The following ZNF33B variants were observed in gnomAD, a reference collection of about 807,000 sequenced individuals.
ZNF33B encodes the protein zinc finger protein 33B.
Under a neutral mutation model 45.8 loss-of-function variants are expected in ZNF33B, and 29 were observed. That is an observed-to-expected ratio of 0.63 (90% CI 0.47 to 0.86). ZNF33B has a LOEUF of 0.86. ZNF33B is among the 40% of genes least tolerant of loss of function. The probability of loss-of-function intolerance (pLI) is 0.00; values close to 1 mark genes in which losing one functional copy is unlikely to be tolerated. For missense variants in ZNF33B, 831 were observed against 909.9 expected (o/e 0.91, Z 1.12); for synonymous variants, 305 against 307.8 (o/e 0.99, Z 0.10).
intron 4 of ZNF33B, among the ~76,000 whole-genome samples, chr10:42,598,230 T>C (rs1837480021): frequency 6.6e-6 from 1 of 152,226 alleles, no homozygotes; most frequent in Non-Finnish European, 1.5e-5. Context: ...TTACTGACCA[T>C]GATGACTGCC....
chr10:42,637,509 T>C (rs1288581914), intron 1 of ZNF33B, among the ~76,000 whole-genome samples: 1 of 152,218 alleles, frequency 6.6e-6, no homozygotes, highest in Non-Finnish European at 1.5e-5. Context: ...TGTAGAAAAG[T>C]AGTACTGGCT....
At position 42,593,335 on chromosome 10, in the gene ZNF33B, C is replaced by A. The variant is rs1356473718; in HGVS notation, c.1615G>T (p.Asp539Tyr). ...ECGKTFCLKS[D>Y]LTIHQRTHTG... ...TGCGTTCTCTGATGTATTGTGAGGT[C>A]TGACTTCAAGCAGAAGGTTTTCCCA... The change falls in exon 5 of 5, where the codon GAC becomes TAC. Residue 539 changes from aspartate (D) to tyrosine (Y), a missense_variant. Transcript: ENST00000359467. 3.7e-6 allele frequency: 6 copies of A among 1,612,178 alleles called. No individual in the cohort carries two copies. Among genetic ancestry groups the A allele is most frequent in the African/African-American group, 1.3e-5 (1 of 74,290 alleles).
At chr10:42,603,855 C>A (rs1169071553) in intron 4 of ZNF33B, among the ~76,000 whole-genome samples, 1 of 152,268 alleles carries the variant, frequency 6.6e-6, no homozygotes, top group East Asian at 1.9e-4. Context: ...TAAGGCAGGG[C>A]CCTCTGACAA....
intron 1 of ZNF33B, among the ~76,000 whole-genome samples, chr10:42,637,873 G>A (rs1030708900): frequency 9.2e-5 from 14 of 152,134 alleles, no homozygotes; most frequent in African/African-American, 3.1e-4. Flanking sequence ...GGCTGGTCTC[G>A]AATTCCTGAC....
At position 42,589,740 on chromosome 10, in the gene ZNF33B, G is replaced by C. The variant is rs1837029184; in HGVS notation, c.*2873C>G. 1 of 152,136 alleles carries C rather than the reference G, an allele frequency of 6.6e-6. No individual in the cohort carries two copies. Among genetic ancestry groups the C allele is most frequent in the Non-Finnish European group, 1.5e-5 (1 of 68,020 alleles). The allele number at this position is 152,136 out of a possible 1,614,324, so 9.4% of individuals were successfully genotyped here. On this transcript the variant is annotated 3_prime_UTR_variant, in exon 5 of 5. Transcript: ENST00000359467. ...TTCTACAAAGACAATCATGTTATTTGAGAACAAAGACAGTTGTATTTCCTC... is the reference window on the plus strand; with the variant it reads ...TTCTACAAAGACAATCATGTTATTTCAGAACAAAGACAGTTGTATTTCCTC...
chr10:42,617,164 T>G (rs1292759821), intron 4 of ZNF33B, among the ~76,000 whole-genome samples: 1 of 131,296 alleles, frequency 7.6e-6, no homozygotes, highest in African/African-American at 2.8e-5. Flanking sequence ...AGTCAAATGG[T>G]GCCATCACAG....
At chr10:42,580,844 A>C (rs1836812525) in intron 1 of ZNF33B, among the ~76,000 whole-genome samples, 1 of 151,840 alleles carries the variant, frequency 6.6e-6, no homozygotes, top group African/African-American at 2.4e-5. Context: ...CAGTGAGCTA[A>C]GATCGCGCCA....
At chr10:42,598,214 A>G (rs988002496) in intron 4 of ZNF33B, among the ~76,000 whole-genome samples, 3 of 152,228 alleles carry the variant, frequency 2.0e-5, no homozygotes, top group Non-Finnish European at 4.4e-5. Flanking sequence ...TTTATTTTCT[A>G]ATACTTTACT....
At chr10:42,594,753 G>A in intron 4 of ZNF33B, 54 bp from the exon 5 acceptor site, 2 of 1,500,098 alleles carry the variant, frequency 1.3e-6, no homozygotes, top group Non-Finnish European at 8.8e-7. Flanking sequence ...ATCTCTTAGG[G>A]AATGAAATCT....
chr10:42,633,876 G>A (rs956836308), intron 2 of ZNF33B, among the ~76,000 whole-genome samples: 2 of 151,642 alleles, frequency 1.3e-5, no homozygotes, highest in African/African-American at 4.9e-5. Context: ...GGCTGAGACA[G>A]GAGAATCCCT....
At chr10:42,583,356 G>T in intron 1 of ZNF33B, 1 of 385,400 alleles carries the variant, frequency 2.6e-6, no homozygotes. Context: ...AAACAAACAG[G>T]CATTCCAGAA....
intron 4 of ZNF33B, among the ~76,000 whole-genome samples, chr10:42,599,664 A>G (rs1322813741): frequency 6.6e-6 from 1 of 152,020 alleles, no homozygotes; most frequent in Non-Finnish European, 1.5e-5. Context: ...CACACAATAC[A>G]AACACACACA....
intron 4 of ZNF33B, among the ~76,000 whole-genome samples, chr10:42,617,090 CTCT>C (rs1564517624): frequency 1.3e-4 from 11 of 85,684 alleles, no homozygotes; most frequent in Non-Finnish European, 1.7e-4. Flanking sequence ...TTCATTTTTT[CTCT>C]TTTTTTTTTT....
chr10:42,599,254 T>C (rs1281202241), intron 4 of ZNF33B, among the ~76,000 whole-genome samples: 1 of 152,180 alleles, frequency 6.6e-6, no homozygotes, highest in Non-Finnish European at 1.5e-5. Context: ...AAACAGCTTT[T>C]GGTTTCACCG....
chr10:42,625,601 G>A (rs1466259577), intron 4 of ZNF33B, among the ~76,000 whole-genome samples: 1 of 152,152 alleles, frequency 6.6e-6, no homozygotes, highest in Non-Finnish European at 1.5e-5. Flanking sequence ...TGCCTCCCAA[G>A]TAGCTGGGAT....
intron 4 of ZNF33B, among the ~76,000 whole-genome samples, chr10:42,618,802 A>C (rs1838442936): frequency 1.3e-5 from 2 of 151,700 alleles, no homozygotes; most frequent in Non-Finnish European, 2.9e-5. Context: ...TCATATTGAT[A>C]CTCCCGTTTG....
chr10:42,587,444 G>A (rs781616577), downstream of ZNF33B, among the ~76,000 whole-genome samples: 5 of 151,980 alleles, frequency 3.3e-5, no homozygotes, highest in Non-Finnish European at 4.4e-5. Context: ...TGATCCTCCC[G>A]CCCCAGCCTC....
At chr10:42,625,748 T>C (rs1221683692) in intron 4 of ZNF33B, among the ~76,000 whole-genome samples, 12 of 152,264 alleles carry the variant, frequency 7.9e-5, no homozygotes, top group African/African-American at 2.2e-4. Flanking sequence ...ACTGGGATTA[T>C]AGGCATGAGC....
intron 4 of ZNF33B, among the ~76,000 whole-genome samples, chr10:42,614,972 C>T (rs188420388): frequency 6.6e-6 from 1 of 151,748 alleles, no homozygotes; most frequent in Admixed American, 6.6e-5. Context: ...AAAAAAAAGA[C>T]ATTCAACATC....
Sources: allele counts gnomAD v4.1 joint callset (sites outside exome capture counted in the v4.1 genomes callset), GRCh38; gene constraint gnomAD v4.1.1; transcripts MANE v1.5; gene names NCBI Gene and HGNC (gene_info 2026-07-23, HGNC 2026-07-21).